The following RBFOX1 variants were observed in gnomAD, a reference collection of about 807,000 sequenced individuals.
RBFOX1 encodes the protein RNA binding protein fox-1 homolog 1.
In RBFOX1, 8 loss-of-function variants were observed where a neutral mutation model predicts 57.7. The observed-to-expected ratio is 0.14, with a 90% CI of 0.08 to 0.25. The LOEUF is 0.25. RBFOX1 is among the 10% of genes least tolerant of loss of function. The pLI is 1.00. For missense variants in RBFOX1, 611 were observed against 548.5 expected (o/e 1.11, Z -1.14); for synonymous variants, 326 against 222.4 (o/e 1.47, Z -4.15).
intron 2 of RBFOX1, among the ~76,000 whole-genome samples, chr16:5,586,259 A>G (rs1596349564): frequency 6.6e-6 from 1 of 152,148 alleles, no homozygotes; most frequent in South Asian, 2.1e-4. Flanking sequence ...ACTATGAGAG[A>G]ATACATTTCA....
rs28701037 is a variant in RBFOX1 at position 7,048,881 on chromosome 16, A to G, written c.-15-3176A>G. ...GTTGATATTTTTGTTTTAATAAGCA[A>G]TCAATCTTGTTGCATTCAGGCTGAA... is the stretch of plus-strand genomic sequence containing the variant. On this transcript the variant is annotated intron_variant, in intron 3 of 15. Coordinates refer to ENST00000550418, the MANE Select transcript of RBFOX1 (RefSeq NM_018723.4). 4.7e-3 allele frequency among the ~76,000 whole-genome samples: 714 copies of G among 152,274 alleles called. 6 individuals carry two copies. The highest frequency in any genetic ancestry group is 0.016 in the African/African-American group (665 of 41,566).
At chr16:5,555,762 C>T (rs948969313) in intron 2 of RBFOX1, among the ~76,000 whole-genome samples, 1 of 151,930 alleles carries the variant, frequency 6.6e-6, no homozygotes, top group Admixed American at 6.5e-5. Context: ...TGGCTCATGC[C>T]TGTAATCCCA....
intron 2 of RBFOX1, among the ~76,000 whole-genome samples, chr16:6,491,753 A>G (rs2095637532): frequency 1.3e-5 from 2 of 152,304 alleles, no homozygotes; most frequent in South Asian, 4.1e-4. Flanking sequence ...AGGGTTACCA[A>G]CAGCTAGTGA....
chr16:6,107,845 A>C (rs963848313), intron 1 of RBFOX1, among the ~76,000 whole-genome samples: 1 of 152,144 alleles, frequency 6.6e-6, no homozygotes, highest in Non-Finnish European at 1.5e-5. Context: ...ACTGAGAAGG[A>C]AATAATTAAT....
intron 2 of RBFOX1, among the ~76,000 whole-genome samples, chr16:5,573,401 G>T (rs138886759): frequency 2.1e-4 from 32 of 152,306 alleles, no homozygotes; most frequent in Admixed American, 2.1e-3. Flanking sequence ...ACTTTTGGGT[G>T]CTTCTTAAAA....
chr16:6,962,071 T>C (rs760768168), intron 3 of RBFOX1, among the ~76,000 whole-genome samples: 1 of 152,192 alleles, frequency 6.6e-6, no homozygotes, highest in African/African-American at 2.4e-5. Context: ...TCTGACACTT[T>C]CATGATTCTG....
intron 2 of RBFOX1, among the ~76,000 whole-genome samples, chr16:6,627,701 C>T (rs1009990093): frequency 4.6e-5 from 7 of 152,066 alleles, no homozygotes; most frequent in African/African-American, 1.4e-4. Context: ...AAAACAAAGA[C>T]GCAAAAGTGA....
At chr16:7,462,839 C>G (rs1307974897) in intron 4 of RBFOX1, among the ~76,000 whole-genome samples, 1 of 152,170 alleles carries the variant, frequency 6.6e-6, no homozygotes, top group Non-Finnish European at 1.5e-5. Flanking sequence ...TTGAATCTCT[C>G]CATGTTTCTC....
chr16:6,811,795 A>G (rs1197777266), intron 3 of RBFOX1, among the ~76,000 whole-genome samples: 1 of 152,204 alleles, frequency 6.6e-6, no homozygotes, highest in East Asian at 1.9e-4. Flanking sequence ...AGGCTGAGGC[A>G]GGAGAATCGC....
At chr16:5,457,515 A>G (rs953230979) in intron 1 of RBFOX1, among the ~76,000 whole-genome samples, 1 of 152,096 alleles carries the variant, frequency 6.6e-6, no homozygotes, top group Admixed American at 6.5e-5. Flanking sequence ...CATTGGACCC[A>G]CCTCTGAAGA....
At chr16:6,951,969 C>G (rs1247217639) in intron 3 of RBFOX1, among the ~76,000 whole-genome samples, 3 of 152,136 alleles carry the variant, frequency 2.0e-5, no homozygotes, top group East Asian at 1.9e-4. Context: ...CACCTGATCT[C>G]TTGATGGGGG....
At chr16:6,626,173 G>A (rs561295470) in intron 2 of RBFOX1, among the ~76,000 whole-genome samples, 2 of 143,664 alleles carry the variant, frequency 1.4e-5, no homozygotes, top group South Asian at 4.4e-4. Context: ...TTGCATAGTT[G>A]GTTCTGTATT....
intron 4 of RBFOX1, among the ~76,000 whole-genome samples, chr16:7,407,341 G>C (rs2098360868): frequency 6.6e-6 from 1 of 151,274 alleles, no homozygotes; most frequent in Non-Finnish European, 1.5e-5. Context: ...TAAAGGAAAA[G>C]CATAGAATTT....
At position 5,646,288 on chromosome 16, in the gene RBFOX1, G is replaced by C. The variant is rs376894671; in HGVS notation, c.318+47327G>C. 1.6e-4 allele frequency among the ~76,000 whole-genome samples: 24 copies of C among 150,930 alleles called. No individual in the cohort carries two copies. The East Asian group carries it at 3.4e-3, about 21-fold the overall frequency. Reference sequence around the variant, plus strand: ...GATCCGCCTTCCTCGGCCTCCCAAAGTGCTGGGATTATAGGTGTCAACCAC... The same window carrying C: ...GATCCGCCTTCCTCGGCCTCCCAAACTGCTGGGATTATAGGTGTCAACCAC... On this transcript the variant is annotated intron_variant, in intron 3 of 19. Coordinates refer to the RBFOX1 transcript ENST00000641259.
chr16:6,550,090 C>T (rs1324737668), intron 2 of RBFOX1, among the ~76,000 whole-genome samples: 1 of 152,180 alleles, frequency 6.6e-6, no homozygotes, highest in Non-Finnish European at 1.5e-5. Flanking sequence ...ACTTGTGCCT[C>T]CAGCTGAAAC....
At chr16:6,967,667 C>T (rs190625877) in intron 3 of RBFOX1, among the ~76,000 whole-genome samples, 145 of 152,116 alleles carry the variant, frequency 9.5e-4, no homozygotes, top group African/African-American at 3.3e-3. Context: ...TTATATTGCT[C>T]TTCTAAGGGC....
chr16:7,407,025 T>A (rs2098354458), intron 4 of RBFOX1, among the ~76,000 whole-genome samples: 1 of 152,168 alleles, frequency 6.6e-6, no homozygotes, highest in African/African-American at 2.4e-5. Flanking sequence ...AACCCTAAGA[T>A]AATCAAAGAT....
chr16:6,578,619 G>T (rs985930985), intron 2 of RBFOX1, among the ~76,000 whole-genome samples: 2 of 151,868 alleles, frequency 1.3e-5, no homozygotes, highest in African/African-American at 4.8e-5. Context: ...GTGTGAGCAT[G>T]GGAGAAACAG....
intron 14 of RBFOX1, among the ~76,000 whole-genome samples, chr16:7,679,240 A>G (rs1197385559): frequency 6.6e-6 from 1 of 152,232 alleles, no homozygotes; most frequent in Non-Finnish European, 1.5e-5. Flanking sequence ...CGTTTAGGGG[A>G]AAATGTGAAA....
Sources: gnomAD v4.1 joint callset for allele counts (sites outside exome capture counted in the v4.1 genomes callset) on GRCh38, gnomAD v4.1.1 for gene constraint, MANE v1.5 for transcripts, NCBI Gene and HGNC (gene_info 2026-07-23, HGNC 2026-07-21) for gene names.